KANSL1: variants seen among roughly 807,000 people sequenced by gnomAD.
KANSL1 encodes the protein KAT8 regulatory NSL complex subunit 1, also known as MLL1/MLL complex subunit KANSL1.
In KANSL1, 22 loss-of-function variants were observed where a neutral mutation model predicts 103.6. The ratio of observed to expected loss-of-function variants is 0.21; its 90% CI spans 0.15 to 0.30. The LOEUF (loss-of-function observed/expected upper bound fraction) is 0.30. Among genes scored for constraint, KANSL1 ranks in the 10% least tolerant of loss-of-function variants. The pLI is 1.00. For synonymous variants in KANSL1, 600 were observed against 527.6 expected (o/e 1.14, Z -1.88); for missense variants, 1,337 against 1,399.8 (o/e 0.96, Z 0.72).
chr17:46,091,405 AATTT>A (rs1240796431), intron 3 of KANSL1, among the ~76,000 whole-genome samples: 2 of 152,238 alleles, frequency 1.3e-5, no homozygotes, highest in Admixed American at 6.5e-5. Flanking sequence ...AGCTAAGGTT[AATTT>A]ATTATTGAAA....
intron 3 of KANSL1, among the ~76,000 whole-genome samples, chr17:46,091,824 T>C (rs1396083471): frequency 6.6e-6 from 1 of 152,126 alleles, no homozygotes; most frequent in Non-Finnish European, 1.5e-5. Flanking sequence ...TATGTATGTA[T>C]GTATGTATAT....
intron 4 of KANSL1, among the ~76,000 whole-genome samples, chr17:46,081,784 T>C (rs925675593): frequency 6.6e-6 from 1 of 152,256 alleles, no homozygotes; most frequent in African/African-American, 2.4e-5. Context: ...ACTACGGTTG[T>C]GGGACTTTGG....
chr17:46,085,143 T>C (rs1336691880), intron 3 of KANSL1, among the ~76,000 whole-genome samples: 2 of 152,188 alleles, frequency 1.3e-5, no homozygotes, highest in South Asian at 2.1e-4. Flanking sequence ...CCTAGACAAA[T>C]GTTTCAATGA....
At chr17:46,224,943 G>A (rs1337500006), upstream of KANSL1, 1 of 151,702 alleles carries the variant, frequency 6.6e-6, no homozygotes, top group Admixed American at 6.6e-5. Flanking sequence ...GCGGGATGCG[G>A]CTTCCCTTCC....
intron 1 of KANSL1, among the ~76,000 whole-genome samples, chr17:46,217,615 G>A (rs1182820753): frequency 1.2e-4 from 19 of 152,248 alleles, no homozygotes; most frequent in South Asian, 2.1e-4. Flanking sequence ...GAGGCTGGGC[G>A]CCGTGGCTCA....
chr17:46,222,772 C>T (rs1598001519), intron 1 of KANSL1: 1 of 152,516 alleles, frequency 6.6e-6, no homozygotes, highest in East Asian at 1.9e-4. Context: ...TGAAGAAAGG[C>T]GAAGCTGGTG....
chr17:46,103,804 G>A (rs1214916569), intron 2 of KANSL1, among the ~76,000 whole-genome samples: 1 of 152,124 alleles, frequency 6.6e-6, no homozygotes. Context: ...GGTGGGTAGA[G>A]CATTTGAGAT....
At chr17:46,035,467 C>T (rs2077121081) in intron 10 of KANSL1, 1 of 152,198 alleles carries the variant, frequency 6.6e-6, no homozygotes, top group African/African-American at 2.4e-5. Context: ...TCATTTATAA[C>T]TTCAGATGAC....
chr17:46,177,779 TC>T (rs1291346033), intron 1 of KANSL1, among the ~76,000 whole-genome samples: 2 of 147,564 alleles, frequency 1.4e-5, no homozygotes, highest in African/African-American at 5.0e-5. Flanking sequence ...ACAGTAACAT[TC>T]TTTTTTTTTT....
At chr17:46,193,839 G>A (rs1354314011), upstream of KANSL1, 2 of 164,080 alleles carry the variant, frequency 1.2e-5, no homozygotes. Flanking sequence ...GCGCCGCGGA[G>A]CGAGAGGACG....
In KANSL1 at chr17:46,052,964, C is replaced by CAAAAAAAAAAAAAAA. The variant is rs34473927; in HGVS notation, c.1849-2275_1849-2261dup. Among the ~76,000 whole-genome samples the CAAAAAAAAAAAAAAA allele has an allele frequency of 4.8e-4, 16 of 32,996 alleles. 1 individual carries two copies. The highest frequency in any genetic ancestry group is 7.6e-4 in the Non-Finnish European group (13 of 17,128). 21.6% of individuals were successfully genotyped at this position (32,996 alleles called of 152,430 possible). ...GGGAAAAAGAGTAAGATCCTGTCTC[C>CAAAAAAAAAAAAAAA]AAAAAAAAAAAAAAAAAAAAAAAAA... On this transcript the variant is annotated intron_variant, in intron 6 of 14. Coordinates refer to ENST00000432791, the MANE Select transcript of KANSL1 (RefSeq NM_015443.4).
intron 6 of KANSL1, among the ~76,000 whole-genome samples, chr17:46,058,527 T>A (rs2078010504): frequency 6.6e-6 from 1 of 152,170 alleles, no homozygotes; most frequent in South Asian, 2.1e-4. Context: ...AAAACATAAA[T>A]AAAACATTGT....
intron 8 of KANSL1, 176 bp from the exon 9 acceptor site, chr17:46,039,391 G>A (rs2077247224): frequency 1.6e-6 from 1 of 629,000 alleles, no homozygotes; most frequent in Non-Finnish European, 2.6e-6. Flanking sequence ...GGCACAGGGA[G>A]CCCAGAACCA....
Position 46,156,899 on chromosome 17 carries a change from C to CAAAAAAAAAAAAAAAAAAA in KANSL1, c.1289+13955_1289+13956insTTTTTTTTTTTTTTTTTTT. The CAAAAAAAAAAAAAAAAAAA allele has an allele frequency of 1.8e-5, 2 of 110,810 alleles. 1 individual carries two copies. Among genetic ancestry groups the CAAAAAAAAAAAAAAAAAAA allele is most frequent in the Non-Finnish European group, 3.7e-5 (2 of 53,486 alleles). 6.9% of individuals were successfully genotyped at this position (110,810 alleles called of 1,614,324 possible). A position where few individuals can be genotyped will look rare whatever the true frequency, so the allele number is the denominator to read the frequency against. On this transcript the variant is annotated intron_variant, in intron 2 of 14. Coordinates refer to ENST00000432791, the MANE Select transcript of KANSL1 (RefSeq NM_015443.4). ...GGGTGACAGAGTGAGACTCTATCTC[C>CAAAAAAAAAAAAAAAAAAA]AAAAAAAAAAAAAAAAATCAGTCAC...
chr17:46,211,306 G>A (rs2696444), intron 1 of KANSL1, among the ~76,000 whole-genome samples: 21,888 of 150,506 alleles, frequency 0.15, 2,139 homozygotes, highest in Middle Eastern at 0.22. Flanking sequence ...GTACCCAATC[G>A]TTTGGCTTCC....
chr17:46,194,337 T>A (rs2047530638), upstream of KANSL1, among the ~76,000 whole-genome samples: 3 of 152,226 alleles, frequency 2.0e-5, no homozygotes, highest in South Asian at 6.2e-4. Flanking sequence ...AACAAAGAAC[T>A]CCATAAAGAA....
At chr17:46,156,511 C>T (rs2045436008) in intron 2 of KANSL1, among the ~76,000 whole-genome samples, 1 of 152,232 alleles carries the variant, frequency 6.6e-6, no homozygotes, top group Admixed American at 6.5e-5. Flanking sequence ...TTCCCTCTAA[C>T]CACTCCCTCC....
intron 1 of KANSL1, among the ~76,000 whole-genome samples, chr17:46,214,655 C>CAAA (rs35634348): frequency 0.15 from 21,798 of 147,830 alleles, 2,097 homozygotes; most frequent in Middle Eastern, 0.22. Flanking sequence ...AATTCCGTCT[C>CAAA]AAAAAAAAAA....
chr17:46,201,294 G>A (rs1190991992), intron 1 of KANSL1, among the ~76,000 whole-genome samples: 2 of 152,130 alleles, frequency 1.3e-5, no homozygotes, highest in African/African-American at 4.8e-5. Flanking sequence ...CTACAAACGG[G>A]GAGTAACCAA....
Sources: gnomAD v4.1 joint callset for allele counts (sites outside exome capture counted in the v4.1 genomes callset) on GRCh38, gnomAD v4.1.1 for gene constraint, MANE v1.5 for transcripts, NCBI Gene and HGNC (gene_info 2026-07-23, HGNC 2026-07-21) for gene names.